The following DCDC2C variants were observed in gnomAD, a reference collection of about 807,000 sequenced individuals.
DCDC2C encodes doublecortin domain-containing protein 2C.
A neutral mutation model predicts 45.0 loss-of-function variants in DCDC2C; 44 were observed. That is an observed-to-expected ratio of 0.98 (90% CI 0.77 to 1.26). The LOEUF is 1.26. DCDC2C is among the 50% of genes most tolerant of loss of function. DCDC2C has a pLI of 0.00. For missense variants in DCDC2C, 447 were observed against 468.9 expected (o/e 0.95, Z 0.43); for synonymous variants, 187 against 178.8 (o/e 1.05, Z -0.37).
intron 3 of DCDC2C, among the ~76,000 whole-genome samples, chr2:3,736,042 A>C (rs1429021773): frequency 6.6e-6 from 1 of 152,126 alleles, no homozygotes; most frequent in Non-Finnish European, 1.5e-5. Context: ...ATATCCATGG[A>C]GTTTCTTATC....
chr2:3,755,489 AC>A (rs1669680014), intron 6 of DCDC2C, among the ~76,000 whole-genome samples: 1 of 152,092 alleles, frequency 6.6e-6, no homozygotes, highest in East Asian at 1.9e-4. Context: ...GCATGTGTAC[AC>A]AGGAGTACAC....
chr2:3,830,561 T>C (rs1208422558), intron 10 of DCDC2C, among the ~76,000 whole-genome samples: 1 of 152,180 alleles, frequency 6.6e-6, no homozygotes, highest in African/African-American at 2.4e-5. Context: ...ATTTGTGAAC[T>C]CCACACAGGT....
chr2:3,837,619 AG>A lies in DCDC2C; in HGVS notation c.1066-9533del. ...TTCTCATCTAAAGGGGAAGAAACTG[AG>A]GAAGAAATCAGCCTTTGGCTCCCCC... On this transcript the variant is annotated intron_variant, in intron 10 of 10. Transcript: ENST00000399143. Among the ~76,000 whole-genome samples, 4 of 102,304 alleles carry A rather than the reference AG, an allele frequency of 3.9e-5. 1 individual carries two copies. Among genetic ancestry groups the A allele is most frequent in the Non-Finnish European group, 7.0e-5 (3 of 42,950 alleles). The allele number at this position is 102,304 out of a possible 152,430, so 67.1% of individuals were successfully genotyped here.
At chr2:3,801,040 C>G (rs1671100156) in intron 10 of DCDC2C, among the ~76,000 whole-genome samples, 1 of 152,190 alleles carries the variant, frequency 6.6e-6, no homozygotes, top group Admixed American at 6.5e-5. Context: ...TCACTGATCC[C>G]TGGGAGGTTC....
At chr2:3,842,833 G>A (rs1457444695) in intron 10 of DCDC2C, among the ~76,000 whole-genome samples, 2 of 152,006 alleles carry the variant, frequency 1.3e-5, no homozygotes, top group African/African-American at 4.8e-5. Context: ...AGGAGGAGAA[G>A]GAAAGACACA....
At chr2:3,812,204 T>C (rs539043958) in intron 10 of DCDC2C, among the ~76,000 whole-genome samples, 142 of 148,260 alleles carry the variant, frequency 9.6e-4, no homozygotes, top group African/African-American at 3.5e-3. Context: ...ATCCATATGG[T>C]CCTGGGCTTT....
chr2:3,832,256 A>C (rs1029384974), intron 10 of DCDC2C, among the ~76,000 whole-genome samples: 2 of 152,232 alleles, frequency 1.3e-5, no homozygotes, highest in Non-Finnish European at 2.9e-5. Flanking sequence ...CTATAGCACA[A>C]GTTTTCATTC....
In DCDC2C at chr2:3,800,374, C is replaced by T. The variant is rs183049920; in HGVS notation, c.1065+15274C>T. Among the ~76,000 whole-genome samples, 49 of 152,310 alleles carry T rather than the reference C, an allele frequency of 3.2e-4. No homozygotes were observed. In the East Asian group the frequency reaches 5.8e-3, roughly 18 times the overall value. On this transcript the variant is annotated intron_variant, in intron 10 of 10. Coordinates refer to ENST00000399143, the MANE Select transcript of DCDC2C (RefSeq NM_001287444.2). ...GCTGTAGACCAGAGCTGTTCCTATT[C>T]GGCCATCTTGGCTCCTCCCTCTGCA... is the stretch of plus-strand genomic sequence containing the variant.
rs940714690 is a variant in DCDC2C, at chr2:3,725,382, A to G, written c.340-1621A>G. The stretch of plus-strand genomic sequence containing the variant: ...TGGGGACCAGGGTGGCTGAAGGAGC[A>G]TAACATGGAGGGTGTAGGGGCAGAG... On this transcript the variant is annotated intron_variant, in intron 2 of 10. Coordinates refer to ENST00000399143, the MANE Select transcript of DCDC2C (RefSeq NM_001287444.2). 1.4e-4 allele frequency among the ~76,000 whole-genome samples: 19 copies of G among 140,306 alleles called. 2 individuals carry two copies. In the South Asian group the frequency reaches 1.5e-3, roughly 11 times the overall value. 92.0% of individuals were successfully genotyped at this position (140,306 alleles called of 152,430 possible).
intron 10 of DCDC2C, among the ~76,000 whole-genome samples, chr2:3,838,861 T>G (rs1672144567): frequency 2.0e-5 from 3 of 152,242 alleles, no homozygotes; most frequent in Non-Finnish European, 4.4e-5. Flanking sequence ...TAGAACTAAG[T>G]TCTTATTCCC....
chr2:3,793,176 G>A (rs1005164640), intron 10 of DCDC2C, among the ~76,000 whole-genome samples: 1 of 152,100 alleles, frequency 6.6e-6, no homozygotes, highest in Non-Finnish European at 1.5e-5. Context: ...AGAATGAAAA[G>A]TAAAAGACAG....
chr2:3,737,120 T>A (rs1475125023), intron 3 of DCDC2C, among the ~76,000 whole-genome samples: 1 of 152,144 alleles, frequency 6.6e-6, no homozygotes, highest in East Asian at 1.9e-4. Flanking sequence ...TACCCCCAGG[T>A]GCCAGGCCCT....
chr2:3,830,576 C>G (rs557573665), intron 10 of DCDC2C, among the ~76,000 whole-genome samples: 9 of 152,280 alleles, frequency 5.9e-5, no homozygotes, highest in African/African-American at 1.9e-4. Flanking sequence ...ACAGGTTCAG[C>G]CCTTCCTCTT....
chr2:3,809,110 T>A (rs1671327812), intron 10 of DCDC2C, among the ~76,000 whole-genome samples: 1 of 152,244 alleles, frequency 6.6e-6, no homozygotes, highest in Non-Finnish European at 1.5e-5. Flanking sequence ...ATCTATGTGT[T>A]TTTCCTTTCA....
At chr2:3,763,299 C>T (rs1172714902) in intron 6 of DCDC2C, among the ~76,000 whole-genome samples, 1 of 152,182 alleles carries the variant, frequency 6.6e-6, no homozygotes, top group Non-Finnish European at 1.5e-5. Context: ...TCTATCGCAC[C>T]TCAGAGAGAC....
chr2:3,800,462 A>G (rs1049999171), intron 10 of DCDC2C, among the ~76,000 whole-genome samples: 1 of 152,204 alleles, frequency 6.6e-6, no homozygotes, highest in East Asian at 1.9e-4. Flanking sequence ...AGTTGTTTTT[A>G]TAGACATAAT....
intron 7 of DCDC2C, among the ~76,000 whole-genome samples, chr2:3,768,853 C>T (rs910730845): frequency 5.3e-5 from 8 of 152,170 alleles, no homozygotes; most frequent in African/African-American, 1.2e-4. Flanking sequence ...GGATTACAGG[C>T]GTGAGCCACT....
intron 10 of DCDC2C, among the ~76,000 whole-genome samples, chr2:3,807,782 C>A (rs1671289794): frequency 6.6e-6 from 1 of 151,940 alleles, no homozygotes; most frequent in Non-Finnish European, 1.5e-5. Context: ...TGTTTTCTGT[C>A]CCCTGGTTTT....
At chr2:3,756,242 C>A (rs1669712050) in intron 6 of DCDC2C, among the ~76,000 whole-genome samples, 1 of 152,142 alleles carries the variant, frequency 6.6e-6, no homozygotes, top group Admixed American at 6.5e-5. Context: ...CCTCCTATAT[C>A]CCTGATCATC....
Sources: allele counts gnomAD v4.1 joint callset (sites outside exome capture counted in the v4.1 genomes callset), GRCh38; gene constraint gnomAD v4.1.1; transcripts MANE v1.5; gene names NCBI Gene and HGNC (gene_info 2026-07-23, HGNC 2026-07-21).